The following LAPTM4B variants were observed in gnomAD, a reference collection of about 807,000 sequenced individuals.
The protein encoded by LAPTM4B is lysosomal protein transmembrane 4 beta, also known as lysosomal-associated transmembrane protein 4B.
LAPTM4B carries 26 observed loss-of-function variants against 28.5 expected under a neutral mutation model. The ratio of observed to expected loss-of-function variants is 0.91; its 90% CI spans 0.67 to 1.27. LAPTM4B has a LOEUF of 1.27. Ranked by LOEUF, LAPTM4B falls within the 50% of genes most tolerant of loss-of-function variation. The pLI is 0.00. For missense variants in LAPTM4B, 288 were observed against 285.8 expected (o/e 1.01, Z -0.06); for synonymous variants, 109 against 106.4 (o/e 1.02, Z -0.15).
intron 1 of LAPTM4B, among the ~76,000 whole-genome samples, chr8:97,789,525 A>AT (rs113511742): frequency 0.011 from 1,436 of 130,868 alleles, 12 homozygotes; most frequent in African/African-American, 0.027. Flanking sequence ...TACCTGGCTA[A>AT]TTTTTTTTTT....
rs1266173722 is a variant in LAPTM4B at position 97,795,421 on chromosome 8, T to G, written c.100-9932T>G. Among the ~76,000 whole-genome samples, 4 of 152,362 alleles carry G rather than the reference T, an allele frequency of 2.6e-5. No individual in the cohort carries two copies. In the East Asian group the frequency reaches 7.7e-4, roughly 29 times the overall value. On this transcript the variant is annotated intron_variant, in intron 1 of 6. Transcript: ENST00000521545. ...TTTTTAAATTGTGAATCATTTTTAC[T>G]GATTATTGTACGTTTACATAAAAGG...
intron 5 of LAPTM4B, among the ~76,000 whole-genome samples, chr8:97,820,029 G>A (rs1310979602): frequency 1.3e-5 from 2 of 152,072 alleles, no homozygotes; most frequent in Non-Finnish European, 1.5e-5. Flanking sequence ...CACTGTGCCC[G>A]GCTTCAAGAT....
At chr8:97,830,802 C>T (rs879332198) in intron 6 of LAPTM4B, among the ~76,000 whole-genome samples, 4 of 151,942 alleles carry the variant, frequency 2.6e-5, no homozygotes, top group Non-Finnish European at 4.4e-5. Flanking sequence ...AACTGACCGT[C>T]GGGCTAGGAT....
intron 6 of LAPTM4B, among the ~76,000 whole-genome samples, chr8:97,835,616 A>T (rs1323431527): frequency 6.6e-6 from 1 of 152,218 alleles, no homozygotes; most frequent in Non-Finnish European, 1.5e-5. Context: ...AGTATCTAAC[A>T]AGTGCTGGCA....
intron 1 of LAPTM4B, among the ~76,000 whole-genome samples, chr8:97,782,818 G>T (rs1333493275): frequency 6.6e-6 from 1 of 151,532 alleles, no homozygotes; most frequent in Non-Finnish European, 1.5e-5. Flanking sequence ...TGCAGCCTCC[G>T]CCTCTTGGGT....
At chr8:97,825,656 T>A (rs566198091) in intron 6 of LAPTM4B, among the ~76,000 whole-genome samples, 2 of 152,236 alleles carry the variant, frequency 1.3e-5, no homozygotes, top group South Asian at 4.1e-4. Flanking sequence ...TACTAGTTGC[T>A]CATACTTTAA....
intron 1 of LAPTM4B, among the ~76,000 whole-genome samples, chr8:97,794,911 C>T (rs556043167): frequency 4.6e-5 from 7 of 152,112 alleles, no homozygotes; most frequent in African/African-American, 9.6e-5. Flanking sequence ...AAGGTTTGAC[C>T]ATGTTGTGCA....
At chr8:97,781,557 C>T (rs1260822639) in intron 1 of LAPTM4B, among the ~76,000 whole-genome samples, 1 of 152,080 alleles carries the variant, frequency 6.6e-6, no homozygotes, top group Non-Finnish European at 1.5e-5. Context: ...GGATTACAGG[C>T]GTGAGCCACC....
intron 2 of LAPTM4B, among the ~76,000 whole-genome samples, chr8:97,808,910 G>A (rs976650232): frequency 1.5e-4 from 23 of 151,932 alleles, no homozygotes; most frequent in East Asian, 3.9e-4. Flanking sequence ...GCAGTGAGCC[G>A]AGATCATGCC....
chr8:97,777,739 T>G (rs1007728050), intron 1 of LAPTM4B, among the ~76,000 whole-genome samples: 18 of 152,220 alleles, frequency 1.2e-4, no homozygotes, highest in Non-Finnish European at 2.2e-4. Context: ...TAAATACAGA[T>G]GGAACATCAG....
intron 6 of LAPTM4B, among the ~76,000 whole-genome samples, chr8:97,839,674 T>C (rs1448737009): frequency 6.6e-6 from 1 of 152,186 alleles, no homozygotes; most frequent in Non-Finnish European, 1.5e-5. Context: ...AGCAGTCAGA[T>C]CAACACATGG....
At chr8:97,815,300 A>T (rs765556772) in intron 2 of LAPTM4B, 28 bp from the exon 3 acceptor site, 5 of 1,576,688 alleles carry the variant, frequency 3.2e-6, no homozygotes, top group African/African-American at 1.3e-5. Flanking sequence ...TGTCTTTTTT[A>T]AAGAAATTCT....
intron 1 of LAPTM4B, chr8:97,788,349 T>G (rs1418813647): frequency 3.0e-6 from 1 of 331,564 alleles, no homozygotes; most frequent in African/African-American, 2.2e-5. Context: ...GAAAGTCTTG[T>G]GAGAAGACAT....
chr8:97,848,782 A>G (rs555136009), intron 6 of LAPTM4B, among the ~76,000 whole-genome samples: 1 of 152,344 alleles, frequency 6.6e-6, no homozygotes, highest in African/African-American at 2.4e-5. Flanking sequence ...GCTAAAATTA[A>G]TATTTCTGGT....
At chr8:97,795,533 A>G (rs1229403854) in intron 1 of LAPTM4B, among the ~76,000 whole-genome samples, 1 of 152,136 alleles carries the variant, frequency 6.6e-6, no homozygotes, top group Non-Finnish European at 1.5e-5. Flanking sequence ...TTTGCCGTAG[A>G]GTTTATATAT....
rs1817223583 is a variant in LAPTM4B at position 97,834,059 on chromosome 8, T to C, written c.603+8906T>C. On this transcript the variant is annotated intron_variant, in intron 6 of 6. Transcript: ENST00000521545. ...ATGAAAACTCGCAGTGGCTCACGCC[T>C]GTAATTCTAGTGCTTTGGGAGGATC... 4.6e-5 allele frequency among the ~76,000 whole-genome samples: 7 copies of C among 151,074 alleles called. No individual in the cohort carries two copies. In the South Asian group the frequency reaches 1.5e-3, roughly 32 times the overall value.
intron 6 of LAPTM4B, among the ~76,000 whole-genome samples, chr8:97,841,071 G>T (rs1226582996): frequency 6.6e-6 from 1 of 151,084 alleles, no homozygotes; most frequent in Non-Finnish European, 1.5e-5. Context: ...CAGACAGTGG[G>T]GAGCTGGGTA....
intron 1 of LAPTM4B, among the ~76,000 whole-genome samples, chr8:97,777,328 A>G (rs1816238309): frequency 6.6e-6 from 1 of 151,456 alleles, no homozygotes; most frequent in African/African-American, 2.4e-5. Context: ...TTGTATTTTT[A>G]GTAGAGACAG....
intron 1 of LAPTM4B, among the ~76,000 whole-genome samples, chr8:97,776,476 A>C (rs1477602874): frequency 6.6e-6 from 1 of 152,190 alleles, no homozygotes; most frequent in African/African-American, 2.4e-5. Context: ...TTTCTTCTTA[A>C]AGCCCGTGGG....
Sources: gnomAD v4.1 joint callset for allele counts (sites outside exome capture counted in the v4.1 genomes callset) on GRCh38, gnomAD v4.1.1 for gene constraint, MANE v1.5 for transcripts, NCBI Gene and HGNC (gene_info 2026-07-23, HGNC 2026-07-21) for gene names.